The following RNF135 variants were observed in gnomAD, a reference collection of about 807,000 sequenced individuals.
RNF135 encodes the protein E3 ubiquitin-protein ligase RNF135.
Under a neutral mutation model 41.9 loss-of-function variants are expected in RNF135, and 46 were observed. The ratio of observed to expected loss-of-function variants is 1.10; its 90% confidence interval spans 0.87 to 1.40. The LOEUF is 1.40. Ranked by LOEUF, RNF135 falls within the 40% of genes most tolerant of loss-of-function variation. The probability of loss-of-function intolerance (pLI) is 0.00; values close to 1 mark genes in which losing one functional copy is unlikely to be tolerated. For synonymous variants in RNF135, 238 were observed against 223.8 expected, an observed-to-expected ratio of 1.06 and a Z score of -0.57; for missense variants, 539 against 549.8, an observed-to-expected ratio of 0.98 and a Z score of 0.20.
At chr17:30,977,534 C>G (rs914051372) in intron 1 of RNF135, among the ~76,000 whole-genome samples, 1 of 152,084 alleles carries the variant, frequency 6.6e-6, no homozygotes, top group Non-Finnish European at 1.5e-5. Context: ...CCACCATGCC[C>G]AGCTAATTTT....
chr17:30,961,494 G>C, the RNF135 span, among the ~76,000 whole-genome samples: 1 of 151,358 alleles, frequency 6.6e-6, no homozygotes, highest in African/African-American at 2.4e-5. Flanking sequence ...ATGGAGTCTT[G>C]CTCTGTCACC....
In RNF135 at chr17:30,979,339, G is replaced by C. The variant is rs1329557454; in HGVS notation, c.373-5278G>C. On this transcript the variant is annotated intron_variant, in intron 1 of 4. Coordinates refer to ENST00000328381, the MANE Select transcript of RNF135 (RefSeq NM_032322.4). ...GGGCAGAGGCGCCCCTCACCTCCTGGATAGGGCGGCTGGCCGGGCGGGGGG... is the reference window on the plus strand; with the variant it reads ...GGGCAGAGGCGCCCCTCACCTCCTGCATAGGGCGGCTGGCCGGGCGGGGGG... 5 of 129,988 alleles carry C rather than the reference G, an allele frequency of 3.8e-5. No individual in the cohort carries two copies. The East Asian group carries it at 1.2e-3, about 32-fold the overall frequency. 8.1% of individuals were successfully genotyped at this position (129,988 alleles called of 1,614,324 possible).
At chr17:30,962,838 A>C in the RNF135 span, among the ~76,000 whole-genome samples, 1 of 152,312 alleles carries the variant, frequency 6.6e-6, no homozygotes, top group Non-Finnish European at 1.5e-5. Context: ...ATATATGCTT[A>C]ATTTTATAAC....
chr17:30,988,423 T>C (rs974751062), intron 3 of RNF135, among the ~76,000 whole-genome samples: 27 of 123,624 alleles, frequency 2.2e-4, no homozygotes, highest in Middle Eastern at 7.3e-3. Flanking sequence ...TTAATTTTTT[T>C]TTTTTTTTTT....
Position 30,984,907 on chromosome 17 carries a change from T to C in RNF135, c.516+147T>C, listed in dbSNP as rs1234900315. The C allele has an allele frequency of 6.1e-6, 6 of 991,548 alleles. No individual in the cohort carries two copies. The African/African-American group carries it at 8.0e-5, about 13-fold the overall frequency. 61.4% of individuals were successfully genotyped at this position (991,548 alleles called of 1,614,324 possible). A position where few individuals can be genotyped will look rare whatever the true frequency, so the allele number is the denominator to read the frequency against. On this transcript the variant is annotated intron_variant, in intron 2 of 4. Transcript: ENST00000328381. ...CTCTTTACTACCAGACATGGATGAT[T>C]GGACATTTGGAATGCTTGAGGTAAG...
At chr17:30,982,293 A>G (rs957983661) in intron 1 of RNF135, among the ~76,000 whole-genome samples, 7 of 152,336 alleles carry the variant, frequency 4.6e-5, no homozygotes, top group African/African-American at 1.4e-4. Context: ...TCAGGTTCCA[A>G]TAACTGGGGT....
intron 2 of RNF135, among the ~76,000 whole-genome samples, chr17:30,986,975 A>T (rs998373722): frequency 2.0e-5 from 3 of 152,202 alleles, no homozygotes; most frequent in African/African-American, 7.2e-5. Context: ...GCATGTAGAA[A>T]ACACTCAATA....
At chr17:30,993,847 G>A (rs778650001) in intron 3 of RNF135, 3 of 831,308 alleles carry the variant, frequency 3.6e-6, no homozygotes, top group Non-Finnish European at 5.8e-6. Context: ...CAGGTTCTCT[G>A]TTGCCCAGGC....
At chr17:30,964,216 C>T in the RNF135 span, among the ~76,000 whole-genome samples, 4 of 151,528 alleles carry the variant, frequency 2.6e-5, no homozygotes, top group African/African-American at 9.7e-5. Flanking sequence ...GGTGAAACCC[C>T]GTCTCTACTT....
chr17:30,964,097 G>A, the RNF135 span, among the ~76,000 whole-genome samples: 2 of 152,026 alleles, frequency 1.3e-5, no homozygotes, highest in African/African-American at 4.8e-5. Flanking sequence ...AAAGAATTTA[G>A]CAAAAACAGG....
chr17:30,960,514 T>G, the RNF135 span, among the ~76,000 whole-genome samples: 1 of 151,100 alleles, frequency 6.6e-6, no homozygotes, highest in Admixed American at 6.6e-5. Flanking sequence ...TGAGCTATGG[T>G]CTCACCACTG....
At chr17:30,969,767 T>TC (rs1371327041), upstream of RNF135, among the ~76,000 whole-genome samples, 5 of 136,404 alleles carry the variant, frequency 3.7e-5, no homozygotes, top group South Asian at 2.4e-4. Flanking sequence ...TTCTTTTTTT[T>TC]TTTTTTTTTT....
intron 3 of RNF135, chr17:30,993,854 A>G: frequency 1.3e-6 from 1 of 787,148 alleles, no homozygotes; most frequent in Non-Finnish European, 2.1e-6. Flanking sequence ...TCTGTTGCCC[A>G]GGCTGGAGTG....
At chr17:30,970,290 AAGTG>A (rs953074163), upstream of RNF135, 8 of 152,008 alleles carry the variant, frequency 5.3e-5, no homozygotes, top group Admixed American at 1.3e-4. Flanking sequence ...CTGGGATGCG[AAGTG>A]AGTGAGTGAG....
chr17:30,986,996 T>C (rs993540582), intron 2 of RNF135, among the ~76,000 whole-genome samples: 5 of 152,186 alleles, frequency 3.3e-5, no homozygotes, highest in African/African-American at 4.8e-5. Flanking sequence ...AGTGTAATAC[T>C]ACCGTATTTT....
In RNF135 at chr17:30,999,021, G is replaced by C; in HGVS notation, c.1129G>C (p.Gly377Arg). 2.5e-6 allele frequency: 4 copies of C among 1,614,122 alleles called. No homozygotes were observed. Among genetic ancestry groups the C allele is most frequent in the Non-Finnish European group, 3.4e-6 (4 of 1,180,030 alleles). ...TGGCTCAGACAGACCTGGGGTGGTG[G>C]GCATCTGGCTGAACCTTGAGGAGGG... Reference protein sequence around the residue: ...VLGSDRPGVVGIWLNLEEGKL... With the variant: ...VLGSDRPGVVRIWLNLEEGKL... The change falls in exon 5 of 5, where the codon GGC becomes CGC. Residue 377 changes from glycine (G) to arginine (R), a missense_variant. Physicochemically the swap from Gly to Arg is moderately radical, Grantham distance 125. Transcript: ENST00000328381.
chr17:30,974,569 G>A lies in RNF135; in HGVS notation c.372+3124G>A, dbSNP rs148878931. Among the ~76,000 whole-genome samples the A allele has an allele frequency of 2.0e-5, 3 of 150,454 alleles. No homozygotes were observed. In the East Asian group the frequency reaches 5.8e-4, roughly 29 times the overall value. On this transcript the variant is annotated intron_variant, in intron 1 of 4. Coordinates refer to ENST00000328381, the MANE Select transcript of RNF135 (RefSeq NM_032322.4). ...AATGTCTTTTTATTTATTTTTATTTGGGTCTATAATTCCTTCAGTGATTTT... is the reference window on the plus strand; with the variant it reads ...AATGTCTTTTTATTTATTTTTATTTAGGTCTATAATTCCTTCAGTGATTTT...
intron 1 of RNF135, 116 bp downstream of exon 1, chr17:30,971,561 CAGTCTA>C (rs1313580377): frequency 1.5e-6 from 2 of 1,373,300 alleles, no homozygotes; most frequent in Non-Finnish European, 1.9e-6. Context: ...TTCCTTTTCT[CAGTCTA>C]AAAGTCGAGT....
the RNF135 span, among the ~76,000 whole-genome samples, chr17:30,961,023 G>C: frequency 6.6e-6 from 1 of 152,122 alleles, no homozygotes; most frequent in Non-Finnish European, 1.5e-5. Context: ...ACAGGCATGA[G>C]CCACCACGCC....
Sources: allele counts gnomAD v4.1 joint callset (sites outside exome capture counted in the v4.1 genomes callset), GRCh38; gene constraint gnomAD v4.1.1; transcripts MANE v1.5; gene names NCBI Gene and HGNC (gene_info 2026-07-23, HGNC 2026-07-21).